The following C7orf78 variants were observed in gnomAD, a reference collection of about 807,000 sequenced individuals.
C7orf78 encodes the protein chromosome 7 open reading frame 78.
the C7orf78 span, among the ~76,000 whole-genome samples, chr7:12,484,620 C>T: frequency 2.6e-5 from 4 of 152,046 alleles, no homozygotes; most frequent in Non-Finnish European, 5.9e-5. Flanking sequence ...TATGCTGTTA[C>T]CATATATTCT....
chr7:12,542,172 G>C, the C7orf78 span: 2 of 152,076 alleles, frequency 1.3e-5, no homozygotes, highest in African/African-American at 4.8e-5. Flanking sequence ...CTGAAATAAA[G>C]GCAAGTACGT....
the C7orf78 span, among the ~76,000 whole-genome samples, chr7:12,490,176 A>G: frequency 9.9e-5 from 15 of 152,166 alleles, no homozygotes; most frequent in Non-Finnish European, 2.2e-4. Context: ...ACCATATCTT[A>G]TTCTACAAAG....
chr7:12,506,857 G>T, the C7orf78 span: 7 of 445,384 alleles, frequency 1.6e-5, no homozygotes, highest in Admixed American at 7.6e-5. Context: ...TCAGGTTATC[G>T]TAGAAAAGTC....
chr7:12,501,140 A>C, the C7orf78 span, among the ~76,000 whole-genome samples: 12 of 137,560 alleles, frequency 8.7e-5, no homozygotes, highest in Non-Finnish European at 1.4e-4. Context: ...AATGGGCAAA[A>C]ACTGGAAGCA....
chr7:12,526,283 T>C, the C7orf78 span, among the ~76,000 whole-genome samples: 1 of 152,076 alleles, frequency 6.6e-6, no homozygotes, highest in Non-Finnish European at 1.5e-5. Context: ...TGAATCTACA[T>C]CATAGAATTA....
the C7orf78 span, among the ~76,000 whole-genome samples, chr7:12,518,603 T>TA: frequency 1.3e-5 from 2 of 152,124 alleles, no homozygotes; most frequent in Non-Finnish European, 2.9e-5. Flanking sequence ...CATCTTCAGG[T>TA]TCCTAGGGGG....
the C7orf78 span, among the ~76,000 whole-genome samples, chr7:12,515,656 A>G: frequency 4.3e-4 from 65 of 152,208 alleles, no homozygotes; most frequent in Admixed American, 4.3e-3. Context: ...GGCTTTGATC[A>G]AAAGCCTGAT....
the C7orf78 span, chr7:12,491,654 TTAA>T: frequency 6.6e-6 from 1 of 152,194 alleles, no homozygotes; most frequent in Non-Finnish European, 1.5e-5. Context: ...CAACTTGGCA[TTAA>T]TATTTCCTCT....
At chr7:12,537,768 C>G in the C7orf78 span, among the ~76,000 whole-genome samples, 1 of 152,020 alleles carries the variant, frequency 6.6e-6, no homozygotes, top group South Asian at 2.1e-4. Context: ...ATAAAAGTAT[C>G]CATTTATGGT....
chr7:12,515,352 A>G, the C7orf78 span, among the ~76,000 whole-genome samples: 4 of 152,136 alleles, frequency 2.6e-5, no homozygotes, highest in Non-Finnish European at 4.4e-5. Flanking sequence ...TTGCCATGTA[A>G]AAAGTGCCTT....
At chr7:12,520,735 G>A in the C7orf78 span, among the ~76,000 whole-genome samples, 7 of 152,060 alleles carry the variant, frequency 4.6e-5, no homozygotes, top group Non-Finnish European at 8.8e-5. Flanking sequence ...ACGTCTGTTA[G>A]GTTTATTTGC....
At chr7:12,533,359 C>T in the C7orf78 span, among the ~76,000 whole-genome samples, 1 of 151,948 alleles carries the variant, frequency 6.6e-6, no homozygotes, top group Admixed American at 6.6e-5. Flanking sequence ...CATCACCATA[C>T]CCACCTAATT....
chr7:12,537,863 C>T, the C7orf78 span, among the ~76,000 whole-genome samples: 1 of 152,070 alleles, frequency 6.6e-6, no homozygotes, highest in African/African-American at 2.4e-5. Context: ...CACAAACATA[C>T]TTAGGAGTTT....
the C7orf78 span, among the ~76,000 whole-genome samples, chr7:12,519,129 C>T: frequency 3.3e-5 from 5 of 152,026 alleles, no homozygotes; most frequent in Non-Finnish European, 7.4e-5. Flanking sequence ...GAGCACATGA[C>T]CATACTGCAG....
At chr7:12,513,093 TTATC>T in the C7orf78 span, among the ~76,000 whole-genome samples, 7 of 152,010 alleles carry the variant, frequency 4.6e-5, no homozygotes, top group Non-Finnish European at 1.0e-4. Flanking sequence ...TTCATCGATT[TTATC>T]TATCTTTTCA....
chr7:12,521,021 A>G, the C7orf78 span, among the ~76,000 whole-genome samples: 1 of 152,082 alleles, frequency 6.6e-6, no homozygotes, highest in Non-Finnish European at 1.5e-5. Flanking sequence ...TTTATCTGAA[A>G]TAAGTATAGT....
chr7:12,496,670 A>C, the C7orf78 span: 1 of 152,178 alleles, frequency 6.6e-6, no homozygotes, highest in African/African-American at 2.4e-5. Context: ...ATTACTTATA[A>C]TTTACTTGAA....
At chr7:12,508,396 T>TG in the C7orf78 span, among the ~76,000 whole-genome samples, 1 of 137,750 alleles carries the variant, frequency 7.3e-6, no homozygotes, top group Admixed American at 8.4e-5. Context: ...AACATTTCAT[T>TG]GGAAAAAAAA....
the C7orf78 span, among the ~76,000 whole-genome samples, chr7:12,497,646 G>A: frequency 6.6e-6 from 1 of 151,998 alleles, no homozygotes; most frequent in African/African-American, 2.4e-5. Flanking sequence ...AGGCGGCAGC[G>A]AGGCTGGGGG....
Sources: allele counts gnomAD v4.1 joint callset (sites outside exome capture counted in the v4.1 genomes callset), GRCh38; gene constraint gnomAD v4.1.1; transcripts MANE v1.5; gene names NCBI Gene and HGNC (gene_info 2026-07-23, HGNC 2026-07-21).